ZNF419: variants seen among roughly 807,000 people sequenced by gnomAD.
ZNF419 encodes the protein zinc finger protein 419.
A neutral mutation model predicts 14.9 loss-of-function variants in ZNF419; 8 were observed. The observed-to-expected ratio is 0.54, with a 90% CI of 0.32 to 0.97. ZNF419 has a LOEUF of 0.97. Ranked by LOEUF, ZNF419 falls within the 50% of genes least tolerant of loss-of-function variation. The pLI, the probability that ZNF419 is intolerant of heterozygous loss-of-function variation, is 0.04. For missense variants in ZNF419, 595 were observed against 607.2 expected, an observed-to-expected ratio of 0.98 and a Z score of 0.21; for synonymous variants, 211 against 205.3, an observed-to-expected ratio of 1.03 and a Z score of -0.24.
At chr19:57,492,792 G>C in intron 4 of ZNF419, 64 bp from the exon 5 acceptor site, 1 of 1,605,172 alleles carries the variant, frequency 6.2e-7, no homozygotes, top group Non-Finnish European at 8.5e-7. Flanking sequence ...AGACACATCT[G>C]TGAGAGTGCT....
chr19:57,493,871 A>T lies in ZNF419; in HGVS notation c.1314A>T (p.Gln438His). The part of the protein sequence containing the change: ...ECRECGKFFS[Q>H]SSTLMQHRKV... ...GGGAATGTGGGAAATTTTTTAGCCA[A>T]AGCTCAACCCTCATGCAACATCGAA... The change falls in exon 5 of 5, where the codon CAA (glutamine) becomes CAT (histidine). Residue 438 changes from glutamine to histidine, a missense_variant. By Grantham distance (24) the Gln-to-His change is conservative. Coordinates refer to ENST00000221735, the MANE Select transcript of ZNF419 (RefSeq NM_024691.4). The T allele has an allele frequency of 8.7e-6, 14 of 1,608,032 alleles. No individual in the cohort carries two copies. The highest frequency in any genetic ancestry group is 1.2e-5 in the Non-Finnish European group (14 of 1,178,154).
Position 57,487,805 on chromosome 19 carries a change from G to C in ZNF419, c.-146G>C. The C allele has an allele frequency of 8.4e-7, 1 of 1,185,186 alleles. No homozygotes were observed. Among genetic ancestry groups the C allele is most frequent in the Non-Finnish European group, 1.2e-6 (1 of 809,252 alleles). 73.4% of individuals were successfully genotyped at this position (1,185,186 alleles called of 1,614,324 possible). A position where few individuals can be genotyped will look rare whatever the true frequency, so the allele number is the denominator to read the frequency against. On this transcript the variant is annotated 5_prime_UTR_variant, in exon 1 of 5. Transcript: ENST00000221735. ...ACCTGCGAGAAGCTGGTTGTGCGCT[G>C]AGGCGACCAGCGCCGGAAGGCACGG...
At chr19:57,490,125 T>A in intron 1 of ZNF419, 22 bp from the exon 2 acceptor site, 1 of 1,612,184 alleles carries the variant, frequency 6.2e-7, no homozygotes, top group Non-Finnish European at 8.5e-7. Context: ...TGTCTGGTTC[T>A]CATAGTCTTG....
intron 2 of ZNF419, chr19:57,490,947 C>T (rs2089466986): frequency 1.2e-5 from 2 of 162,356 alleles, no homozygotes; most frequent in South Asian, 1.6e-4. Flanking sequence ...TGAGGATTGG[C>T]CCTGGCAGTC....
Position 57,494,122 on chromosome 19 carries a change from C to T in ZNF419, c.*32C>T, listed in dbSNP as rs750085313. ...GAAATCCTTTAGCCAGCGTTTCAAC[C>T]TCATTCAACACCAGAAAGTTCACAG... On this transcript the variant is annotated 3_prime_UTR_variant, in exon 5 of 5. Coordinates refer to ENST00000221735, the MANE Select transcript of ZNF419 (RefSeq NM_024691.4). 2 of 1,550,342 alleles carry T rather than the reference C, an allele frequency of 1.3e-6. No individual in the cohort carries two copies. The highest frequency in any genetic ancestry group is 2.1e-5 in the Admixed American group (1 of 47,570).
rs1302115404 is a variant in ZNF419 at position 57,492,928 on chromosome 19, T to C, written c.371T>C (p.Ile124Thr). Residue 124 changes from isoleucine (I) to threonine (T), a missense_variant, in exon 5 of 5, where the codon ATT becomes ACT. By Grantham distance (89) the Ile-to-Thr change is moderately conservative. Coordinates refer to ENST00000221735, the MANE Select transcript of ZNF419 (RefSeq NM_024691.4). Reference sequence around the variant, plus strand: ...TCTGTAGGACTGCTCAGTTCAAACATTCAGCAACACCAGAAGCAGCACTGT... The same window carrying C: ...TCTGTAGGACTGCTCAGTTCAAACACTCAGCAACACCAGAAGCAGCACTGT... ...IASVGLLSSN[I>T]QQHQKQHCGE... is the part of the protein sequence containing the mutation. 1 of 1,614,176 alleles carries C rather than the reference T, an allele frequency of 6.2e-7. No homozygotes were observed. Among genetic ancestry groups the C allele is most frequent in the Non-Finnish European group, 8.5e-7 (1 of 1,180,034 alleles).
chr19:57,491,267 C>G (rs935038649), intron 2 of ZNF419: 8 of 672,364 alleles, frequency 1.2e-5, no homozygotes, highest in Non-Finnish European at 1.3e-5. Context: ...ATGCCCAGAG[C>G]TGAGATGGAC....
intron 1 of ZNF419, 67 bp downstream of exon 1, chr19:57,488,050 C>G (rs996134139): frequency 1.2e-6 from 2 of 1,604,836 alleles, no homozygotes; most frequent in Admixed American, 3.4e-5. Context: ...TGCTCAGGTC[C>G]CCGGGTGCAG....
rs745451234 is a variant in ZNF419, at chr19:57,493,044, GA to G, written c.488del (p.Glu163GlyfsTer7). On this transcript the variant is annotated frameshift_variant, in exon 5 of 5. Transcript: ENST00000221735. LOFTEE classifies it low-confidence loss of function (END_TRUNC). ...ATCAGAGAAGTCCTTGCAAAGCAGGGAGGTTGGGAAGGCCCTCCTGATCAGC... is the reference window on the plus strand; with the variant it reads ...ATCAGAGAAGTCCTTGCAAAGCAGGGGGTTGGGAAGGCCCTCCTGATCAGC... Reference protein sequence around the residue: ...HLSEKSLQSREVGKALLISSG... With the variant: ...HLSEKSLQSRXVGKALLISSG... 5 of 1,614,020 alleles carry G rather than the reference GA, an allele frequency of 3.1e-6. No homozygotes were observed. The African/African-American group carries it at 6.7e-5, about 22-fold the overall frequency.
chr19:57,491,424 C>T (rs781689852), intron 2 of ZNF419, 47 bp from the exon 3 acceptor site: 5 of 1,606,400 alleles, frequency 3.1e-6, no homozygotes, highest in Non-Finnish European at 4.3e-6. Context: ...GCCTAAATTT[C>T]CCAGTAAGGA....
rs1166047528 is a variant in ZNF419 at position 57,495,481 on chromosome 19, C to G, written c.*1391C>G. 1 of 152,172 alleles carries G rather than the reference C, an allele frequency of 6.6e-6. No homozygotes were observed. The highest frequency in any genetic ancestry group is 6.5e-5 in the Admixed American group (1 of 15,284). The allele number at this position is 152,172 out of a possible 1,614,324, so 9.4% of individuals were successfully genotyped here. A position where few individuals can be genotyped will look rare whatever the true frequency, so the allele number is the denominator to read the frequency against. Reference sequence around the variant, plus strand: ...GTGGCTCACGCCTGTAATCCCAACACTTTGGGAGGCCAAGGCGGGTGGATC... The same window carrying G: ...GTGGCTCACGCCTGTAATCCCAACAGTTTGGGAGGCCAAGGCGGGTGGATC... On this transcript the variant is annotated 3_prime_UTR_variant, in exon 5 of 5. Coordinates refer to ENST00000221735, the MANE Select transcript of ZNF419 (RefSeq NM_024691.4).
rs762945731 is a variant in ZNF419, at chr19:57,491,555, C to A, written c.157C>A (p.Arg53Ser). The A allele has an allele frequency of 6.2e-7, 1 of 1,613,890 alleles. No homozygotes were observed. Among genetic ancestry groups the A allele is most frequent in the Non-Finnish European group, 8.5e-7 (1 of 1,179,972 alleles). ...TGATGACGCTCAGAGGCTCCTCTACCGCAATGTGATGCTGGAGAACTTTAC... is the reference window on the plus strand; with the variant it reads ...TGATGACGCTCAGAGGCTCCTCTACAGCAATGTGATGCTGGAGAACTTTAC... ...LLDDAQRLLYRNVMLENFTLL... is the reference protein window; with the variant it reads ...LLDDAQRLLYSNVMLENFTLL... The change falls in exon 3 of 5, where the codon CGC becomes AGC. Residue 53 changes from arginine (R) to serine (S), a missense_variant. Arg to Ser is a moderately radical substitution (Grantham distance 110, BLOSUM62 -1). Coordinates refer to ENST00000221735, the MANE Select transcript of ZNF419 (RefSeq NM_024691.4).
At chr19:57,491,682 A>G (rs1568569164) in intron 3 of ZNF419, 85 bp downstream of exon 3, 7 of 1,604,114 alleles carry the variant, frequency 4.4e-6, no homozygotes, top group Non-Finnish European at 5.1e-6. Context: ...TTCTTCCCAA[A>G]GCTGAACTGT....
chr19:57,494,310 G>T lies in ZNF419; in HGVS notation c.*220G>T, dbSNP rs1313654189. 3.1e-6 allele frequency: 2 copies of T among 639,444 alleles called. No individual in the cohort carries two copies. The highest frequency in any genetic ancestry group is 5.0e-6 in the Non-Finnish European group (2 of 396,058). The allele number at this position is 639,444 out of a possible 1,614,324, so 39.6% of individuals were successfully genotyped here. Reference sequence around the variant, plus strand: ...ACCAGAAAGTTTACACTGGAGAAAGGCCTTAGGGTGACAGGTTATGTACTG... The same window carrying T: ...ACCAGAAAGTTTACACTGGAGAAAGTCCTTAGGGTGACAGGTTATGTACTG... On this transcript the variant is annotated 3_prime_UTR_variant, in exon 5 of 5. Transcript: ENST00000221735.
chr19:57,493,491 G>A lies in ZNF419; in HGVS notation c.934G>A (p.Val312Ile). The change falls in exon 5 of 5, where the codon GTA becomes ATA. Residue 312 changes from valine (V) to isoleucine (I), a missense_variant. Val to Ile is a conservative substitution (Grantham distance 29, BLOSUM62 3). Coordinates refer to ENST00000221735, the MANE Select transcript of ZNF419 (RefSeq NM_024691.4). ...TCAGCATCACAAAATCCACACTGGA[G>A]TAAGGCCTTATGAGTGCAGTGAATG... ...LVQHHKIHTG[V>I]RPYECSECGK... 1.9e-6 allele frequency: 3 copies of A among 1,614,128 alleles called. No individual in the cohort carries two copies. Among genetic ancestry groups the A allele is most frequent in the South Asian group, 2.2e-5 (2 of 91,080 alleles).
At position 57,494,365 on chromosome 19, in the gene ZNF419, C is replaced by G; in HGVS notation, c.*275C>G. 2.6e-6 allele frequency: 1 copy of G among 387,136 alleles called. No individual in the cohort carries two copies. Among genetic ancestry groups the G allele is most frequent in the South Asian group, 7.9e-5 (1 of 12,664 alleles). The allele number at this position is 387,136 out of a possible 1,614,324, so 24.0% of individuals were successfully genotyped here. On this transcript the variant is annotated 3_prime_UTR_variant, in exon 5 of 5. Coordinates refer to ENST00000221735, the MANE Select transcript of ZNF419 (RefSeq NM_024691.4). ...TGAATCAATATGACCTCACTTAAAA[C>G]AGAAACTCTGAGGATGGCCTTTATG...
At position 57,487,897 on chromosome 19, in the gene ZNF419, C is replaced by T; in HGVS notation, c.-54C>T. 6.2e-7 allele frequency: 1 copy of T among 1,612,974 alleles called. No individual in the cohort carries two copies. The highest frequency in any genetic ancestry group is 1.1e-5 in the South Asian group (1 of 91,004). ...GGCTCGGTGGCGGCGCCCAGGGTGG[C>T]CCGGGCCCTTTCCTCGGTCATTGTC... On this transcript the variant is annotated 5_prime_UTR_variant, in exon 1 of 5. Coordinates refer to ENST00000221735, the MANE Select transcript of ZNF419 (RefSeq NM_024691.4).
At position 57,494,230 on chromosome 19, in the gene ZNF419, G is replaced by C; in HGVS notation, c.*140G>C. The C allele has an allele frequency of 1.5e-6, 2 of 1,291,942 alleles. No individual in the cohort carries two copies. Among genetic ancestry groups the C allele is most frequent in the Non-Finnish European group, 2.1e-6 (2 of 953,784 alleles). 80.0% of individuals were successfully genotyped at this position (1,291,942 alleles called of 1,614,324 possible). Reference sequence around the variant, plus strand: ...TCAACACTGGACAGTTTACAATGTGGACAATGTAGTGAATATGGAAAAAGG... The same window carrying C: ...TCAACACTGGACAGTTTACAATGTGCACAATGTAGTGAATATGGAAAAAGG... On this transcript the variant is annotated 3_prime_UTR_variant, in exon 5 of 5. Transcript: ENST00000221735.
chr19:57,494,409 C>G lies in ZNF419; in HGVS notation c.*319C>G, dbSNP rs1425070545. ...CTTTATGAGGGAGCTGGCAATTGAACATCATTCATCTAAATATGCACACTG... is the reference window on the plus strand; with the variant it reads ...CTTTATGAGGGAGCTGGCAATTGAAGATCATTCATCTAAATATGCACACTG... On this transcript the variant is annotated 3_prime_UTR_variant, in exon 5 of 5. Coordinates refer to ENST00000221735, the MANE Select transcript of ZNF419 (RefSeq NM_024691.4). The G allele has an allele frequency of 3.4e-6, 1 of 293,412 alleles. No individual in the cohort carries two copies. Among genetic ancestry groups the G allele is most frequent in the East Asian group, 6.8e-5 (1 of 14,722 alleles). 18.2% of individuals were successfully genotyped at this position (293,412 alleles called of 1,614,324 possible).
Sources: allele counts gnomAD v4.1 joint callset, GRCh38; gene constraint gnomAD v4.1.1; transcripts MANE v1.5; gene names NCBI Gene and HGNC (gene_info 2026-07-23, HGNC 2026-07-21).